CAMSAP2: variants seen among roughly 807,000 people sequenced by gnomAD.
CAMSAP2 encodes the protein calmodulin-regulated spectrin-associated protein 2.
In CAMSAP2, 26 loss-of-function variants were observed where a neutral mutation model predicts 146.1. The ratio of observed to expected loss-of-function variants is 0.18; its 90% CI spans 0.13 to 0.25. The LOEUF (loss-of-function observed/expected upper bound fraction) is 0.25. Among genes scored for constraint, CAMSAP2 ranks in the 10% least tolerant of loss-of-function variants. The probability of loss-of-function intolerance (pLI) is 1.00; values close to 1 mark genes in which losing one functional copy is unlikely to be tolerated. For missense variants in CAMSAP2, 1,381 were observed against 1,759.3 expected, an observed-to-expected ratio of 0.78 and a Z score of 3.85; for synonymous variants, 499 against 596.6, an observed-to-expected ratio of 0.84 and a Z score of 2.38.
chr1:200,836,380 A>G (rs567689724), intron 6 of CAMSAP2, among the ~76,000 whole-genome samples: 30 of 152,294 alleles, frequency 2.0e-4, no homozygotes, highest in African/African-American at 7.2e-4. Context: ...GCTAAGGATA[A>G]TGACCTCCAG....
chr1:200,848,793 G>A lies in CAMSAP2; in HGVS notation c.2024G>A (p.Gly675Asp), dbSNP rs1667532959. The change falls in exon 11 of 17, where the codon GGC becomes GAC. Residue 675 changes from glycine to aspartate, a missense_variant. Transcript: ENST00000358823. ...PSTVSTKSQP[G>D]SSASSSSGVK... ...ACTGTAAGTACCAAGTCTCAGCCAGGCAGCAGTGCTTCTTCTAGTTCTGGA... is the reference window on the plus strand; with the variant it reads ...ACTGTAAGTACCAAGTCTCAGCCAGACAGCAGTGCTTCTTCTAGTTCTGGA... 2 of 1,614,030 alleles carry A rather than the reference G, an allele frequency of 1.2e-6. No individual in the cohort carries two copies. Among genetic ancestry groups the A allele is most frequent in the African/African-American group, 1.3e-5 (1 of 74,922 alleles).
intron 6 of CAMSAP2, among the ~76,000 whole-genome samples, chr1:200,835,910 CA>C: frequency 6.6e-6 from 1 of 152,150 alleles, no homozygotes; most frequent in Admixed American, 6.5e-5. Context: ...CTTGGACTTC[CA>C]ATACATAATA....
intron 6 of CAMSAP2, among the ~76,000 whole-genome samples, chr1:200,835,062 C>A (rs1667151271): frequency 6.6e-6 from 1 of 152,140 alleles, no homozygotes; most frequent in Non-Finnish European, 1.5e-5. Flanking sequence ...CACAGGCAAC[C>A]CCCATGTATG....
chr1:200,754,773 G>A (rs754753511), intron 1 of CAMSAP2, among the ~76,000 whole-genome samples: 1 of 151,880 alleles, frequency 6.6e-6, no homozygotes, highest in African/African-American at 2.4e-5. Flanking sequence ...TAGTAGAGAC[G>A]GGGTTTCACC....
chr1:200,800,417 A>G (rs1336460013), intron 2 of CAMSAP2, among the ~76,000 whole-genome samples: 2 of 152,076 alleles, frequency 1.3e-5, no homozygotes, highest in Non-Finnish European at 2.9e-5. Flanking sequence ...ACCATTATGG[A>G]ATGCCCTTCT....
intron 2 of CAMSAP2, among the ~76,000 whole-genome samples, chr1:200,779,070 A>T (rs1215465936): frequency 6.6e-6 from 1 of 152,186 alleles, no homozygotes; most frequent in East Asian, 1.9e-4. Context: ...GAGCTGTGAG[A>T]AACCATGGAG....
chr1:200,746,458 G>T (rs192513010), intron 1 of CAMSAP2, among the ~76,000 whole-genome samples: 1 of 152,266 alleles, frequency 6.6e-6, no homozygotes, highest in African/African-American at 2.4e-5. Context: ...GTTTAAGAGC[G>T]GGTTGGGGGG....
intron 2 of CAMSAP2, among the ~76,000 whole-genome samples, chr1:200,778,982 G>C (rs1297846164): frequency 1.3e-5 from 2 of 152,112 alleles, no homozygotes; most frequent in Non-Finnish European, 2.9e-5. Flanking sequence ...TCAGAGACCT[G>C]AACAAATCGT....
intron 2 of CAMSAP2, among the ~76,000 whole-genome samples, chr1:200,797,414 A>G (rs1665915156): frequency 6.6e-6 from 1 of 151,242 alleles, no homozygotes; most frequent in African/African-American, 2.4e-5. Flanking sequence ...CATTTCTCTG[A>G]TGGCCAGCGA....
At chr1:200,792,956 T>C (rs567588920) in intron 2 of CAMSAP2, among the ~76,000 whole-genome samples, 1 of 152,184 alleles carries the variant, frequency 6.6e-6, no homozygotes, top group Non-Finnish European at 1.5e-5. Context: ...TTTCTCACAG[T>C]TGTGTTTGAA....
intron 4 of CAMSAP2, among the ~76,000 whole-genome samples, chr1:200,821,447 G>T (rs1666761685): frequency 6.6e-6 from 1 of 152,222 alleles, no homozygotes; most frequent in Non-Finnish European, 1.5e-5. Flanking sequence ...CCTCCAAAGT[G>T]CTGGGATTAC....
intron 2 of CAMSAP2, among the ~76,000 whole-genome samples, chr1:200,781,438 T>A (rs1665425469): frequency 6.6e-6 from 1 of 152,220 alleles, no homozygotes; most frequent in South Asian, 2.1e-4. Context: ...TTAGGACATT[T>A]GAAAAATACG....
rs1571816316 is a variant in CAMSAP2 at position 200,837,218 on chromosome 1, T to A, written c.927+4373T>A. Among the ~76,000 whole-genome samples the A allele has an allele frequency of 2.0e-5, 3 of 152,312 alleles. No homozygotes were observed. In the South Asian group the frequency reaches 6.2e-4, roughly 32 times the overall value. On this transcript the variant is annotated intron_variant, in intron 6 of 16. Coordinates refer to ENST00000358823, the MANE Select transcript of CAMSAP2 (RefSeq NM_203459.4). ...AGATTTTCTTCCAGGGTTTTTATAG[T>A]TTTGGGTTTATATTTAATTCTTTAA...
At chr1:200,754,211 G>A (rs942763330) in intron 1 of CAMSAP2, among the ~76,000 whole-genome samples, 4 of 152,094 alleles carry the variant, frequency 2.6e-5, no homozygotes, top group African/African-American at 7.2e-5. Context: ...ATTTGTTTAA[G>A]GTTTCTTTAT....
chr1:200,848,540 A>C lies in CAMSAP2; in HGVS notation c.1771A>C (p.Asn591His). ...CAAGTTAAATCAATCTAGTCCTGAT[A>C]ATGTAACTGATACGAAAGGTGCCTT... ...NIKLNQSSPD[N>H]VTDTKGALSP... The change falls in exon 11 of 17, where the codon AAT becomes CAT. Residue 591 changes from asparagine (N) to histidine (H), a missense_variant. Around this residue, in one of 4 missense-constraint regions of CAMSAP2, gnomAD observed 447 missense variants for 462.2 expected, o/e 0.97. Coordinates refer to ENST00000358823, the MANE Select transcript of CAMSAP2 (RefSeq NM_203459.4). 1.2e-6 allele frequency: 2 copies of C among 1,614,070 alleles called. No homozygotes were observed. Among genetic ancestry groups the C allele is most frequent in the Non-Finnish European group, 1.7e-6 (2 of 1,179,950 alleles).
chr1:200,834,944 C>T (rs1375464705), intron 6 of CAMSAP2, among the ~76,000 whole-genome samples: 2 of 152,102 alleles, frequency 1.3e-5, no homozygotes, highest in Non-Finnish European at 2.9e-5. Flanking sequence ...GGGGCTTTCT[C>T]TTTTAATTTT....
In CAMSAP2 at chr1:200,832,014, G is replaced by C. The variant is rs1667055395; in HGVS notation, c.646-186G>C. On this transcript the variant is annotated intron_variant, in intron 4 of 16. Transcript: ENST00000358823. The surrounding 1 kb of genome is among the most constrained non-coding windows in gnomAD (Gnocchi z 4.2). Reference sequence around the variant, plus strand: ...TTAAGTATTGAGCTTCAAAACTATAGCTATTGTTGCCGTGTATTTAACTTT... The same window carrying C: ...TTAAGTATTGAGCTTCAAAACTATACCTATTGTTGCCGTGTATTTAACTTT... 1 of 534,640 alleles carries C rather than the reference G, an allele frequency of 1.9e-6. No individual in the cohort carries two copies. 33.1% of individuals were successfully genotyped at this position (534,640 alleles called of 1,614,324 possible).
At chr1:200,781,472 T>C (rs895870457) in intron 2 of CAMSAP2, among the ~76,000 whole-genome samples, 2 of 152,314 alleles carry the variant, frequency 1.3e-5, no homozygotes, top group Admixed American at 1.3e-4. Context: ...TAAATCTTGA[T>C]TTATTGAATA....
chr1:200,832,165 CTTAT>C lies in CAMSAP2; in HGVS notation c.646-28_646-25del. The C allele has an allele frequency of 6.4e-7, 1 of 1,552,932 alleles. No individual in the cohort carries two copies. Among genetic ancestry groups the C allele is most frequent in the Non-Finnish European group, 8.7e-7 (1 of 1,148,990 alleles). On this transcript the variant is annotated intron_variant, in intron 4 of 16. Coordinates refer to ENST00000358823, the MANE Select transcript of CAMSAP2 (RefSeq NM_203459.4). The surrounding 1 kb of genome is among the most constrained non-coding windows in gnomAD (Gnocchi z 4.2). ...TTTTTTTCCTATGCGTTATTTGGTACTTATTTATTTTCATGTATTTTTTTTATAT... is the reference window on the plus strand; with the variant it reads ...TTTTTTTCCTATGCGTTATTTGGTACTTATTTTCATGTATTTTTTTTATAT...
Sources: allele counts gnomAD v4.1 joint callset (sites outside exome capture counted in the v4.1 genomes callset), GRCh38; gene constraint gnomAD v4.1.1; regional missense constraint gnomAD v4.1.1; non-coding constraint Gnocchi (gnomAD v3.1); transcripts MANE v1.5; gene names NCBI Gene and HGNC (gene_info 2026-07-23, HGNC 2026-07-21).